RDH13: variants seen among roughly 807,000 people sequenced by gnomAD.
RDH13 encodes retinol dehydrogenase 13 (all-trans and 9-cis).
Under a neutral mutation model 28.3 loss-of-function variants are expected in RDH13, and 35 were observed. The ratio of observed to expected loss-of-function variants is 1.24; its 90% CI spans 0.95 to 1.64. The LOEUF (loss-of-function observed/expected upper bound fraction) is 1.64. Ranked by LOEUF, RDH13 falls within the 40% of genes most tolerant of loss-of-function variation. The probability of loss-of-function intolerance (pLI) is 0.00; values close to 1 mark genes in which losing one functional copy is unlikely to be tolerated. For missense variants in RDH13, 514 were observed against 446.3 expected (o/e 1.15, Z -1.37); for synonymous variants, 229 against 198.5 (o/e 1.15, Z -1.29).
intron 2 of RDH13, among the ~76,000 whole-genome samples, chr19:55,058,312 C>T (rs1027459493): frequency 7.9e-5 from 12 of 151,026 alleles, no homozygotes; most frequent in African/African-American, 2.2e-4. Flanking sequence ...TGCTTGAACC[C>T]GGGAGGCGAA....
rs117634253 is a variant in RDH13, at chr19:55,055,568, G to A, written c.340+1085C>T. Among the ~76,000 whole-genome samples the A allele has an allele frequency of 7.0e-4, 106 of 152,080 alleles. 1 individual carries two copies. In the East Asian group the frequency reaches 0.016, roughly 23 times the overall value. On this transcript the variant is annotated intron_variant, in intron 3 of 6. Coordinates refer to ENST00000415061, the MANE Select transcript of RDH13 (RefSeq NM_001145971.2). ...ATAAATGCTTAATAAGGTCAGGTGC[G>A]GTGGCTCACGCCTGTAATCCCAGCA...
chr19:55,068,961 G>GGGGAGGGGAGGGGAA (rs1568755548), intron 1 of RDH13: 1 of 74,138 alleles, frequency 1.3e-5, no homozygotes, highest in Non-Finnish European at 3.0e-5. Flanking sequence ...GGGGAGGGGA[G>GGGGAGGGGAGGGGAA]GGGAAGGGAG....
At chr19:55,062,918 T>C (rs1042950865) in intron 1 of RDH13, 50 bp downstream of exon 1, 2 of 1,383,716 alleles carry the variant, frequency 1.4e-6, no homozygotes, top group Non-Finnish European at 1.9e-6. Flanking sequence ...TCCCGGCCCC[T>C]GCGCTGGGGG....
At chr19:55,048,155 C>G in intron 5 of RDH13, 174 bp downstream of exon 5, 1 of 1,534,402 alleles carries the variant, frequency 6.5e-7, no homozygotes, top group Non-Finnish European at 8.7e-7. Context: ...GAAGAACGAT[C>G]GATTAGTGAT....
intron 3 of RDH13, among the ~76,000 whole-genome samples, chr19:55,051,436 T>G (rs1184086106): frequency 3.9e-5 from 6 of 152,006 alleles, no homozygotes; most frequent in Admixed American, 3.9e-4. Flanking sequence ...TTTTCTTTTT[T>G]TTTTTGAGAT....
chr19:55,054,821 TAAGAG>T (rs904662209), intron 3 of RDH13, among the ~76,000 whole-genome samples: 4 of 151,654 alleles, frequency 2.6e-5, no homozygotes, highest in Non-Finnish European at 4.4e-5. Context: ...CAAGCAATCC[TAAGAG>T]AAGAGATTTT....
chr19:55,048,206 G>T, intron 5 of RDH13, 123 bp downstream of exon 5: 1 of 1,545,662 alleles, frequency 6.5e-7, no homozygotes, highest in Non-Finnish European at 8.7e-7. Flanking sequence ...TGGTCCACAT[G>T]CTCTACTTTT....
chr19:55,060,597 T>C (rs1344487516), intron 1 of RDH13, among the ~76,000 whole-genome samples: 2 of 152,178 alleles, frequency 1.3e-5, no homozygotes, highest in African/African-American at 2.4e-5. Context: ...CCACTGTTGT[T>C]TCTCTATACT....
chr19:55,063,039 C>G lies in RDH13; in HGVS notation c.-7G>C. 1 of 1,378,556 alleles carries G rather than the reference C, an allele frequency of 7.3e-7. No homozygotes were observed. The allele number at this position is 1,378,556 out of a possible 1,614,324, so 85.4% of individuals were successfully genotyped here. A position where few individuals can be genotyped will look rare whatever the true frequency, so the allele number is the denominator to read the frequency against. The stretch of plus-strand genomic sequence containing the variant: ...GCAGCAGGTAGCGGCTCATGCCGGG[C>G]CGGGGACAGGCGTCAGGCGTCAGGG... On this transcript the variant is annotated 5_prime_UTR_variant, in exon 1 of 7. Coordinates refer to ENST00000415061, the MANE Select transcript of RDH13 (RefSeq NM_001145971.2).
rs1367521389 is a variant in RDH13, at chr19:55,056,712, CGG to C, written c.279_280del (p.Arg94AlafsTer19). 1.9e-5 allele frequency: 31 copies of C among 1,613,878 alleles called. No homozygotes were observed. The highest frequency in any genetic ancestry group is 2.5e-5 in the Non-Finnish European group (30 of 1,180,006). On this transcript the variant is annotated frameshift_variant, in exon 3 of 7. Transcript: ENST00000415061. LOFTEE classifies it high-confidence loss of function. ...CTTGAGGGAAGCCAAGTCCAGGTGC[CGG>C]GCGTTGACATGGTGATTGAGGGTCT...
intron 3 of RDH13, among the ~76,000 whole-genome samples, 159 bp from the exon 4 acceptor site, chr19:55,048,922 G>A (rs1405717396): frequency 1.3e-5 from 2 of 152,186 alleles, no homozygotes; most frequent in African/African-American, 2.4e-5. Flanking sequence ...GGTCATTAGG[G>A]TGAGCCCTAA....
rs571558779 is a variant in RDH13, at chr19:55,048,867, T to C, written c.341-104A>G. 4.2e-5 allele frequency: 44 copies of C among 1,037,518 alleles called. No homozygotes were observed. The South Asian group carries it at 5.1e-4, about 12-fold the overall frequency. 64.3% of individuals were successfully genotyped at this position (1,037,518 alleles called of 1,614,324 possible). A position where few individuals can be genotyped will look rare whatever the true frequency, so the allele number is the denominator to read the frequency against. Reference sequence around the variant, plus strand: ...GCTCCCACAACCTGTGAATGTGGCCTGTGCCGGAAACAGGGTCTGTGCCGA... The same window carrying C: ...GCTCCCACAACCTGTGAATGTGGCCCGTGCCGGAAACAGGGTCTGTGCCGA... On this transcript the variant is annotated intron_variant, in intron 3 of 6. Coordinates refer to ENST00000415061, the MANE Select transcript of RDH13 (RefSeq NM_001145971.2).
Position 55,063,107 on chromosome 19 carries a change from C to T in RDH13, c.-75G>A. On this transcript the variant is annotated 5_prime_UTR_variant, in exon 1 of 7. Transcript: ENST00000415061. ...TGCACACCAGCCGCCTGGGTAGCTC[C>T]GAGGAAGAGCGCGCGACGCAGCCAC... 6 of 1,211,360 alleles carry T rather than the reference C, an allele frequency of 5.0e-6. No individual in the cohort carries two copies. Among genetic ancestry groups the T allele is most frequent in the East Asian group, 3.2e-5 (1 of 31,454 alleles). 75.0% of individuals were successfully genotyped at this position (1,211,360 alleles called of 1,614,324 possible). A position where few individuals can be genotyped will look rare whatever the true frequency, so the allele number is the denominator to read the frequency against.
chr19:55,048,513 C>T lies in RDH13; in HGVS notation c.474G>A (p.Leu158=). 1 of 1,614,214 alleles carries T rather than the reference C, an allele frequency of 6.2e-7. No individual in the cohort carries two copies. Among genetic ancestry groups the T allele is most frequent in the Non-Finnish European group, 8.5e-7 (1 of 1,180,046 alleles). Residue 158 remains leucine (L), a synonymous_variant, in exon 5 of 7, where the codon CTG becomes CTA. Transcript: ENST00000415061. The part of the protein sequence containing the change: ...LGHFLLTNLL[L]DKLKASAPSR... Reference sequence around the variant, plus strand: ...AAGGGGCTGAGGCTTTCAGCTTGTCCAGCAGCAAGTTTGTCAAGAGAAAGT... The same window carrying T: ...AAGGGGCTGAGGCTTTCAGCTTGTCTAGCAGCAAGTTTGTCAAGAGAAAGT...
At chr19:55,045,477 G>C (rs2075191686) in intron 6 of RDH13, among the ~76,000 whole-genome samples, 168 bp from the exon 7 acceptor site, 1 of 152,078 alleles carries the variant, frequency 6.6e-6, no homozygotes, top group African/African-American at 2.4e-5. Context: ...CACTGCCCAG[G>C]CAAATCCCAC....
At chr19:55,056,153 GT>G (rs1308513233) in intron 3 of RDH13, among the ~76,000 whole-genome samples, 1 of 151,668 alleles carries the variant, frequency 6.6e-6, no homozygotes, top group Non-Finnish European at 1.5e-5. Flanking sequence ...GACCCCATCT[GT>G]CTCAAAACAA....
intron 3 of RDH13, among the ~76,000 whole-genome samples, chr19:55,050,466 T>C (rs1331346137): frequency 6.6e-6 from 1 of 151,970 alleles, no homozygotes; most frequent in African/African-American, 2.4e-5. Flanking sequence ...CTCTGACACC[T>C]GGGCTGGAGT....
At chr19:55,045,352 G>C (rs1309166592) in intron 6 of RDH13, 43 bp from the exon 7 acceptor site, 6 of 1,497,972 alleles carry the variant, frequency 4.0e-6, no homozygotes, top group Non-Finnish European at 5.5e-6. Context: ...CTCGCTCAGA[G>C]AGAAGGAAGG....
At position 55,047,382 on chromosome 19, in the gene RDH13, C is replaced by T. The variant is rs780590097; in HGVS notation, c.760+5G>A. ...GTGGAGACCCCAGGCTGGGAGGGGA[C>T]TCACCGAGTGTGGTGCTGGAGAAGG... On this transcript the variant is annotated splice_donor_5th_base_variant and intron_variant, in intron 6 of 6. Transcript: ENST00000415061. The T allele has an allele frequency of 6.2e-7, 1 of 1,610,920 alleles. No homozygotes were observed. The highest frequency in any genetic ancestry group is 1.1e-5 in the South Asian group (1 of 90,760).
Sources: gnomAD v4.1 joint callset for allele counts (sites outside exome capture counted in the v4.1 genomes callset) on GRCh38, gnomAD v4.1.1 for gene constraint, MANE v1.5 for transcripts, NCBI Gene and HGNC (gene_info 2026-07-23, HGNC 2026-07-21) for gene names.